Variants in POU6F2 observed in about 807,000 individuals in gnomAD.
POU6F2 encodes the protein POU domain, class 6, transcription factor 2.
POU6F2 carries 31 observed loss-of-function variants against 71.3 expected under a neutral mutation model. The ratio of observed to expected loss-of-function variants is 0.43; its 90% CI spans 0.33 to 0.59. The LOEUF (loss-of-function observed/expected upper bound fraction) is 0.59, where lower values mean the gene tolerates loss of function less well. Among genes scored for constraint, POU6F2 ranks in the 20% least tolerant of loss-of-function variants. The pLI, the probability that POU6F2 is intolerant of heterozygous loss-of-function variation, is 0.04. For synonymous variants in POU6F2, 347 were observed against 355.7 expected, an observed-to-expected ratio of 0.98 and a Z score of 0.27; for missense variants, 783 against 856.8, an observed-to-expected ratio of 0.91 and a Z score of 1.07.
At chr7:39,439,391 T>C (rs1287742465) in intron 7 of POU6F2, among the ~76,000 whole-genome samples, 1 of 152,242 alleles carries the variant, frequency 6.6e-6, no homozygotes, top group Non-Finnish European at 1.5e-5. Flanking sequence ...ATGAATTTGG[T>C]TCTGTCATCG....
At chr7:39,219,079 G>T (rs937130094) in intron 4 of POU6F2, among the ~76,000 whole-genome samples, 2 of 152,132 alleles carry the variant, frequency 1.3e-5, no homozygotes, top group African/African-American at 2.4e-5. Flanking sequence ...TTGTGCACCA[G>T]GTTATGTGGG....
intron 1 of POU6F2, among the ~76,000 whole-genome samples, chr7:39,004,175 G>T (rs1355938300): frequency 1.3e-5 from 2 of 152,076 alleles, no homozygotes; most frequent in Non-Finnish European, 2.9e-5. Flanking sequence ...GTGCCTTAAG[G>T]AAACAAATAA....
chr7:39,175,357 A>G (rs1439323287), intron 2 of POU6F2, among the ~76,000 whole-genome samples: 2 of 152,138 alleles, frequency 1.3e-5, no homozygotes, highest in Non-Finnish European at 1.5e-5. Context: ...TAGGGTGACC[A>G]TATATTTTAT....
intron 2 of POU6F2, among the ~76,000 whole-genome samples, chr7:39,102,562 A>G (rs1203903845): frequency 6.6e-6 from 1 of 152,126 alleles, no homozygotes; most frequent in Non-Finnish European, 1.5e-5. Context: ...TATTTACTGA[A>G]TATTAAGGGA....
At chr7:39,156,335 C>T (rs1792870078) in intron 2 of POU6F2, among the ~76,000 whole-genome samples, 1 of 152,126 alleles carries the variant, frequency 6.6e-6, no homozygotes, top group Non-Finnish European at 1.5e-5. Flanking sequence ...ACTTTTGAGG[C>T]TTTTCCATTA....
chr7:39,446,504 T>G (rs1278522945), intron 7 of POU6F2, among the ~76,000 whole-genome samples: 2 of 152,208 alleles, frequency 1.3e-5, no homozygotes, highest in Admixed American at 1.3e-4. Flanking sequence ...TTCCAGAAAC[T>G]AAAACATTAT....
At chr7:39,266,411 G>A (rs985402214) in intron 4 of POU6F2, among the ~76,000 whole-genome samples, 1 of 152,108 alleles carries the variant, frequency 6.6e-6, no homozygotes, top group African/African-American at 2.4e-5. Flanking sequence ...AATCACAGAA[G>A]GGCAAAATGC....
intron 5 of POU6F2, among the ~76,000 whole-genome samples, chr7:39,393,534 A>G (rs1051043169): frequency 2.6e-5 from 4 of 152,150 alleles, no homozygotes; most frequent in Admixed American, 2.0e-4. Context: ...TCTTCTCCCT[A>G]TAGTTAAAAT....
chr7:39,308,981 C>T (rs923864112), intron 4 of POU6F2, among the ~76,000 whole-genome samples: 5 of 152,258 alleles, frequency 3.3e-5, no homozygotes, highest in African/African-American at 4.8e-5. Flanking sequence ...CGCAGCCACA[C>T]GCAGAGACAC....
At chr7:39,111,069 AATGTGTAT>A (rs1791801783) in intron 2 of POU6F2, among the ~76,000 whole-genome samples, 1 of 151,710 alleles carries the variant, frequency 6.6e-6, no homozygotes, top group African/African-American at 2.4e-5. Flanking sequence ...ATTTTTGATA[AATGTGTAT>A]ATGTGTATAT....
chr7:39,435,059 G>A (rs968794602), intron 7 of POU6F2, among the ~76,000 whole-genome samples: 4 of 152,110 alleles, frequency 2.6e-5, no homozygotes, highest in South Asian at 2.1e-4. Context: ...TTGGTTCCAC[G>A]TCTTTGCTAT....
At chr7:39,112,346 C>A (rs980332991) in intron 2 of POU6F2, among the ~76,000 whole-genome samples, 7 of 152,148 alleles carry the variant, frequency 4.6e-5, no homozygotes, top group Non-Finnish European at 1.0e-4. Context: ...CTCGCTATAA[C>A]AAAATGTTTC....
intron 1 of POU6F2, among the ~76,000 whole-genome samples, chr7:39,030,519 T>TGTATAC (rs1789913996): frequency 8.9e-6 from 1 of 112,586 alleles, no homozygotes; most frequent in Non-Finnish European, 1.8e-5. Flanking sequence ...TATATATATA[T>TGTATAC]ATATATATAT....
chr7:39,000,893 G>A (rs1317384589), intron 1 of POU6F2, among the ~76,000 whole-genome samples: 1 of 152,108 alleles, frequency 6.6e-6, no homozygotes, highest in African/African-American at 2.4e-5. Flanking sequence ...AGCAAAAAAT[G>A]ACCTGCCCAG....
intron 2 of POU6F2, among the ~76,000 whole-genome samples, chr7:39,133,901 G>A (rs997352406): frequency 3.3e-5 from 5 of 151,830 alleles, no homozygotes; most frequent in Admixed American, 6.6e-5. Flanking sequence ...TTTTTAGACC[G>A]TCTCGCCCCA....
chr7:39,083,542 T>C (rs1791171243), intron 1 of POU6F2: 1 of 134,944 alleles, frequency 7.4e-6, no homozygotes, highest in East Asian at 2.6e-4. Flanking sequence ...ACATGCATGC[T>C]TTCTTAGATA....
At chr7:39,108,810 TAAC>T (rs1367740082) in intron 2 of POU6F2, among the ~76,000 whole-genome samples, 1 of 152,194 alleles carries the variant, frequency 6.6e-6, no homozygotes, top group Non-Finnish European at 1.5e-5. Context: ...GAGTATGCAA[TAAC>T]AAACAGATTT....
chr7:39,107,375 A>G (rs1272638894), intron 2 of POU6F2, among the ~76,000 whole-genome samples: 1 of 152,190 alleles, frequency 6.6e-6, no homozygotes, highest in African/African-American at 2.4e-5. Context: ...TCTTCATATT[A>G]AAAAAGACAC....
intron 2 of POU6F2, among the ~76,000 whole-genome samples, chr7:39,190,678 C>G (rs1793645719): frequency 7.0e-6 from 1 of 143,068 alleles, no homozygotes; most frequent in Non-Finnish European, 1.5e-5. Flanking sequence ...CGCTCTGTCA[C>G]CCAGGCTGGA....
Sources: allele counts gnomAD v4.1 joint callset (sites outside exome capture counted in the v4.1 genomes callset), GRCh38; gene constraint gnomAD v4.1.1; transcripts MANE v1.5; gene names NCBI Gene and HGNC (gene_info 2026-07-23, HGNC 2026-07-21).